The following IQSEC1 variants were observed in gnomAD, a reference collection of about 807,000 sequenced individuals.
IQSEC1 encodes the protein IQ motif and SEC7 domain-containing protein 1.
Under a neutral mutation model 91.0 loss-of-function variants are expected in IQSEC1, and 31 were observed. That is an observed-to-expected ratio of 0.34 (90% CI 0.26 to 0.46). The LOEUF (loss-of-function observed/expected upper bound fraction) is 0.46. Ranked by LOEUF, IQSEC1 falls within the 20% of genes least tolerant of loss-of-function variation. The pLI is 1.00. For missense variants in IQSEC1, 1,388 were observed against 1,575.6 expected (o/e 0.88, Z 2.02); for synonymous variants, 699 against 662.6 (o/e 1.05, Z -0.84).
intron 1 of IQSEC1, among the ~76,000 whole-genome samples, chr3:12,963,981 C>G (rs764908030): frequency 6.6e-6 from 1 of 152,234 alleles, no homozygotes; most frequent in Non-Finnish European, 1.5e-5. Flanking sequence ...TGGCTATGTC[C>G]GCCATGAGGC....
chr3:13,164,964 G>A (rs981804832), intron 1 of IQSEC1, among the ~76,000 whole-genome samples: 7 of 152,184 alleles, frequency 4.6e-5, no homozygotes, highest in African/African-American at 1.7e-4. Context: ...TTTGTTCATT[G>A]CCTTTTCAGT....
intron 2 of IQSEC1, among the ~76,000 whole-genome samples, chr3:13,151,703 T>C (rs985466027): frequency 1.3e-5 from 2 of 152,208 alleles, no homozygotes; most frequent in African/African-American, 4.8e-5. Flanking sequence ...CAGTGGCTCA[T>C]GCCTGTAATC....
intron 1 of IQSEC1, among the ~76,000 whole-genome samples, chr3:13,201,468 C>A (rs963136416): frequency 1.3e-5 from 2 of 152,216 alleles, no homozygotes; most frequent in African/African-American, 4.8e-5. Context: ...CTAGCTGGAA[C>A]TATAGTTGCA....
chr3:13,049,429 C>G (rs1013952213), intron 1 of IQSEC1, among the ~76,000 whole-genome samples: 1 of 152,178 alleles, frequency 6.6e-6, no homozygotes, highest in Admixed American at 6.5e-5. Flanking sequence ...TGCAGGGAGC[C>G]CACCTCAGGC....
chr3:13,011,953 TA>T (rs11306862), intron 1 of IQSEC1, among the ~76,000 whole-genome samples: 83,315 of 151,954 alleles, frequency 0.55, 23,468 homozygotes, highest in East Asian at 0.83. Flanking sequence ...GGGACTCACT[TA>T]AGAAGGGTGG....
In IQSEC1 at chr3:12,936,199, C is replaced by T. The variant is rs756336349; in HGVS notation, c.817G>A (p.Gly273Ser). The T allele has an allele frequency of 1.6e-5, 26 of 1,612,958 alleles. No homozygotes were observed. Among genetic ancestry groups the T allele is most frequent in the Admixed American group, 6.7e-5 (4 of 60,020 alleles). ...RDTEPQTALH[G>S]MDHRKLDEMT... ...TCGTCCAGTTTGCGGTGGTCCATGC[C>T]GTGCAGGGCTGTCTGGGGTTCGGTG... is the stretch of plus-strand genomic sequence containing the variant. Residue 273 changes from glycine to serine, a missense_variant, in exon 3 of 14, where the codon GGC becomes AGC. Transcript: ENST00000613206.
chr3:12,968,147 G>T (rs1055138139), intron 1 of IQSEC1, among the ~76,000 whole-genome samples: 5 of 152,216 alleles, frequency 3.3e-5, no homozygotes, highest in African/African-American at 9.6e-5. Context: ...CTACTCCGCT[G>T]ATGCCTACTC....
At chr3:13,073,607 C>T (rs541368317), upstream of IQSEC1, among the ~76,000 whole-genome samples, 10 of 152,338 alleles carry the variant, frequency 6.6e-5, no homozygotes, top group South Asian at 1.9e-3. Flanking sequence ...CGCGGGGCGC[C>T]GGCCCCTTCC....
chr3:13,107,548 T>G (rs1246548509), intron 2 of IQSEC1, among the ~76,000 whole-genome samples: 1 of 152,218 alleles, frequency 6.6e-6, no homozygotes, highest in African/African-American at 2.4e-5. Flanking sequence ...GTGGCAGATT[T>G]CAGATTTCAA....
Position 12,900,124 on chromosome 3 carries a change from G to C in IQSEC1, c.*859C>G, listed in dbSNP as rs1291617637. On this transcript the variant is annotated 3_prime_UTR_variant, in exon 14 of 14. Coordinates refer to ENST00000613206, the MANE Select transcript of IQSEC1 (RefSeq NM_001134382.3). ...AGCTATTTGCTTACCTGAAATAACA[G>C]CATTATAATACTATTTATGATAGTA... is the stretch of plus-strand genomic sequence containing the variant. The C allele has an allele frequency of 2.1e-6, 2 of 973,210 alleles. No individual in the cohort carries two copies. Among genetic ancestry groups the C allele is most frequent in the East Asian group, 2.3e-4 (2 of 8,780 alleles). The allele number at this position is 973,210 out of a possible 1,614,324, so 60.3% of individuals were successfully genotyped here.
Position 12,959,597 on chromosome 3 carries a change from G to A in IQSEC1, c.24-17732C>T, listed in dbSNP as rs536892693. Among the ~76,000 whole-genome samples the A allele has an allele frequency of 2.0e-5, 3 of 152,274 alleles. No homozygotes were observed. The East Asian group carries it at 5.8e-4, about 29-fold the overall frequency. On this transcript the variant is annotated intron_variant, in intron 1 of 13. Coordinates refer to ENST00000613206, the MANE Select transcript of IQSEC1 (RefSeq NM_001134382.3). The stretch of plus-strand genomic sequence containing the variant: ...AAACTGGCTCAAGCTCAGAGTTCCC[G>A]AGTTGGGCCAACAGAGCTAAGGGCT...
At chr3:13,227,294 C>T (rs531857275) in intron 1 of IQSEC1, among the ~76,000 whole-genome samples, 6 of 146,336 alleles carry the variant, frequency 4.1e-5, no homozygotes, top group African/African-American at 1.0e-4. Flanking sequence ...GAGAATTACT[C>T]GAACCCGGGA....
Position 13,200,099 on chromosome 3 carries a change from G to A in IQSEC1, c.273-35966C>T, listed in dbSNP as rs561582263. Among the ~76,000 whole-genome samples the A allele has an allele frequency of 3.0e-3, 418 of 141,028 alleles. 3 individuals are homozygous for A. The highest frequency in any genetic ancestry group is 0.011 in the African/African-American group (394 of 36,410). The allele number at this position is 141,028 out of a possible 152,430, so 92.5% of individuals were successfully genotyped here. A position where few individuals can be genotyped will look rare whatever the true frequency, so the allele number is the denominator to read the frequency against. On this transcript the variant is annotated intron_variant, in intron 1 of 15. Transcript: ENST00000648114. ...CAACATGCATATACACAACATGCGC[G>A]CGCACGCACACACACATACACCACA...
chr3:13,145,883 C>T (rs899774415), intron 2 of IQSEC1, among the ~76,000 whole-genome samples: 2 of 149,628 alleles, frequency 1.3e-5, no homozygotes, highest in South Asian at 2.1e-4. Flanking sequence ...TCTGTCCTGG[C>T]GTGGGGCAGG....
Position 13,237,587 on chromosome 3 carries a change from C to T in IQSEC1, c.272+45124G>A, listed in dbSNP as rs530208469. On this transcript the variant is annotated intron_variant, in intron 1 of 15. Coordinates refer to the IQSEC1 transcript ENST00000648114. Reference sequence around the variant, plus strand: ...TGAGCTGCTGGGCTGCGCACTTCCCCGCCATGTTTTCTGCCAGTAAAGCTG... The same window carrying T: ...TGAGCTGCTGGGCTGCGCACTTCCCTGCCATGTTTTCTGCCAGTAAAGCTG... Among the ~76,000 whole-genome samples the T allele has an allele frequency of 1.9e-3, 295 of 152,330 alleles. 14 individuals are homozygous for T. In the South Asian group the frequency reaches 0.058, roughly 30 times the overall value.
chr3:13,002,712 G>A (rs1702472639), intron 1 of IQSEC1, among the ~76,000 whole-genome samples: 1 of 152,212 alleles, frequency 6.6e-6, no homozygotes, highest in Non-Finnish European at 1.5e-5. Context: ...GGAGACATAT[G>A]AATGGCCAAT....
At chr3:13,157,370 A>G (rs984563297) in intron 2 of IQSEC1, among the ~76,000 whole-genome samples, 3 of 152,182 alleles carry the variant, frequency 2.0e-5, no homozygotes, top group African/African-American at 4.8e-5. Context: ...AGTGACTTCA[A>G]TGTGGCTCCT....
chr3:13,148,242 C>T (rs997755140), intron 2 of IQSEC1, among the ~76,000 whole-genome samples: 2 of 152,116 alleles, frequency 1.3e-5, no homozygotes, highest in African/African-American at 2.4e-5. Flanking sequence ...CAGGAGAGCA[C>T]CATAGAGACA....
At chr3:13,251,709 A>ACT (rs1485086403) in intron 1 of IQSEC1, among the ~76,000 whole-genome samples, 2 of 152,096 alleles carry the variant, frequency 1.3e-5, no homozygotes, top group Non-Finnish European at 2.9e-5. Flanking sequence ...GGGGTATGAG[A>ACT]CTCTGTTCCA....
Sources: gnomAD v4.1 joint callset for allele counts (sites outside exome capture counted in the v4.1 genomes callset) on GRCh38, gnomAD v4.1.1 for gene constraint, MANE v1.5 for transcripts, NCBI Gene and HGNC (gene_info 2026-07-23, HGNC 2026-07-21) for gene names.